DIAPH2: variants seen among roughly 807,000 people sequenced by gnomAD.
DIAPH2 encodes the protein protein diaphanous homolog 2.
A neutral mutation model predicts 92.7 loss-of-function variants in DIAPH2; 35 were observed. The ratio of observed to expected loss-of-function variants is 0.38; its 90% CI spans 0.29 to 0.50. The LOEUF is 0.50. DIAPH2 is among the 20% of genes least tolerant of loss of function. The probability of loss-of-function intolerance (pLI) is 0.94; values close to 1 mark genes in which losing one functional copy is unlikely to be tolerated. For missense variants in DIAPH2, 701 were observed against 819.5 expected, an observed-to-expected ratio of 0.86 and a Z score of 1.77; for synonymous variants, 301 against 280.4, an observed-to-expected ratio of 1.07 and a Z score of -0.73.
chrX:97,072,851 T>C (rs927416458), intron 17 of DIAPH2, 90 bp from the exon 18 acceptor site: 30 of 491,650 alleles, frequency 6.1e-5, no homozygotes, highest in African/African-American at 3.7e-4. Flanking sequence ...GAATGAGCTT[T>C]ATTAATGTAG....
chrX:96,999,967 C>T (rs1055427046), intron 17 of DIAPH2, among the ~76,000 whole-genome samples: 2 of 111,841 alleles, frequency 1.8e-5, no homozygotes, highest in Non-Finnish European at 3.8e-5. Context: ...TCCTCTTTTG[C>T]CTTCCACCAT....
chrX:97,195,820 T>TA (rs776578611), intron 22 of DIAPH2, among the ~76,000 whole-genome samples: 210 of 100,380 alleles, frequency 2.1e-3, no homozygotes, highest in African/African-American at 3.5e-3. Flanking sequence ...ATTATGTTGT[T>TA]AAAAAAAAAA....
intron 23 of DIAPH2, among the ~76,000 whole-genome samples, chrX:97,344,548 A>G (rs1205400290): frequency 1.8e-5 from 2 of 112,250 alleles, no homozygotes. Context: ...CATGGTTGCA[A>G]TTGTGAAAAA....
At chrX:97,581,448 A>G (rs2071442312) in intron 26 of DIAPH2, among the ~76,000 whole-genome samples, 1 of 31,664 alleles carries the variant, frequency 3.2e-5, no homozygotes, top group Non-Finnish European at 6.4e-5. Context: ...ATTCAGGAGC[A>G]GGTTGTTCAG....
chrX:97,106,972 A>G (rs1425880528), intron 20 of DIAPH2, among the ~76,000 whole-genome samples: 4 of 111,721 alleles, frequency 3.6e-5, no homozygotes, highest in Non-Finnish European at 3.8e-5. Flanking sequence ...GGCCTCAAAC[A>G]TGTTTTCAGA....
rs1285666777 is a variant in DIAPH2, at chrX:96,910,829, T to C, written c.588-1499T>C. ...ACATGCCAAAGGGGTAGGTAAGACA[T>C]GGCAAGAATCATTATGATTATGTCA... On this transcript the variant is annotated intron_variant, in intron 5 of 26. Coordinates refer to ENST00000324765, the MANE Select transcript of DIAPH2 (RefSeq NM_006729.5). Among the ~76,000 whole-genome samples, 9 of 111,212 alleles carry C rather than the reference T, an allele frequency of 8.1e-5. No individual in the cohort carries two copies. The East Asian group carries it at 2.3e-3, about 28-fold the overall frequency.
At chrX:97,475,243 A>G (rs1163412060) in intron 26 of DIAPH2, among the ~76,000 whole-genome samples, 1 of 111,910 alleles carries the variant, frequency 8.9e-6, no homozygotes, top group Non-Finnish European at 1.9e-5. Flanking sequence ...GCCCTATAGA[A>G]AATGGGTAGG....
intron 23 of DIAPH2, among the ~76,000 whole-genome samples, chrX:97,339,464 G>A (rs1422526992): frequency 9.0e-6 from 1 of 110,797 alleles, no homozygotes; most frequent in Admixed American, 9.7e-5. Context: ...GCAGCGAGCC[G>A]AGATCACGCC....
chrX:97,292,305 A>T (rs2068598704), intron 23 of DIAPH2, among the ~76,000 whole-genome samples: 1 of 110,991 alleles, frequency 9.0e-6, no homozygotes, highest in Admixed American at 9.7e-5. Context: ...ATATAGAAGC[A>T]ATTTTTAAAA....
chrX:96,794,990 GTTTA>G (rs755119970), intron 4 of DIAPH2, among the ~76,000 whole-genome samples: 209 of 111,811 alleles, frequency 1.9e-3, no homozygotes, highest in African/African-American at 6.5e-3. Flanking sequence ...TCTTTTATAA[GTTTA>G]TTTGTCATTG....
chrX:96,859,091 T>A (rs1206969020), intron 4 of DIAPH2, among the ~76,000 whole-genome samples: 1 of 111,656 alleles, frequency 9.0e-6, no homozygotes, highest in Non-Finnish European at 1.9e-5. Context: ...AAATTTTAAA[T>A]TAAATATTTA....
At chrX:96,873,719 C>T (rs1394032879) in intron 4 of DIAPH2, among the ~76,000 whole-genome samples, 3 of 109,405 alleles carry the variant, frequency 2.7e-5, no homozygotes, top group African/African-American at 1.0e-4. Context: ...TACACACACA[C>T]ATATATAACA....
chrX:97,339,092 TAATCTA>T (rs780357625), intron 23 of DIAPH2, among the ~76,000 whole-genome samples: 95 of 112,158 alleles, frequency 8.5e-4, no homozygotes, highest in African/African-American at 3.0e-3. Flanking sequence ...CTAAGGAATA[TAATCTA>T]GAAATTCATA....
intron 26 of DIAPH2, among the ~76,000 whole-genome samples, chrX:97,536,818 A>G (rs2071099509): frequency 9.0e-6 from 1 of 111,494 alleles, no homozygotes; most frequent in African/African-American, 3.3e-5. Context: ...TATAAAAATT[A>G]TACGAAATTG....
intron 26 of DIAPH2, among the ~76,000 whole-genome samples, chrX:97,458,554 C>G (rs1453436341): frequency 1.8e-5 from 2 of 111,175 alleles, no homozygotes; most frequent in Admixed American, 1.9e-4. Context: ...CCAAGCCACT[C>G]TAAAGCTTGA....
At chrX:97,453,740 A>G (rs1403383207) in intron 26 of DIAPH2, among the ~76,000 whole-genome samples, 1 of 111,963 alleles carries the variant, frequency 8.9e-6, no homozygotes. Flanking sequence ...AAGCAAGTAC[A>G]TGGTGGCTTG....
At chrX:96,799,482 T>C (rs6615866) in intron 4 of DIAPH2, among the ~76,000 whole-genome samples, 11,373 of 111,512 alleles carry the variant, frequency 0.1, 537 homozygotes, top group East Asian at 0.32. Context: ...CTTGAATTTG[T>C]ATTCATTTTT....
intron 22 of DIAPH2, 122 bp from the exon 23 acceptor site, chrX:97,247,593 T>G: frequency 1.2e-5 from 7 of 596,045 alleles, no homozygotes; most frequent in Non-Finnish European, 1.8e-5. Flanking sequence ...AAAATGTGAG[T>G]TGACTTCATG....
At chrX:97,593,021 T>C (rs760364605) in intron 26 of DIAPH2, among the ~76,000 whole-genome samples, 3 of 112,163 alleles carry the variant, frequency 2.7e-5, no homozygotes, top group Non-Finnish European at 5.6e-5. Context: ...TCTAGAACTA[T>C]TTAATTGCTA....
Sources: allele counts gnomAD v4.1 joint callset (sites outside exome capture counted in the v4.1 genomes callset), GRCh38; gene constraint gnomAD v4.1.1; transcripts MANE v1.5; gene names NCBI Gene and HGNC (gene_info 2026-07-23, HGNC 2026-07-21).